SNTG1: variants seen among roughly 807,000 people sequenced by gnomAD.
SNTG1 encodes the protein syntrophin gamma 1, also known as gamma-1-syntrophin.
Under a neutral mutation model 74.7 loss-of-function variants are expected in SNTG1, and 39 were observed. The ratio of observed to expected loss-of-function variants is 0.52; its 90% CI spans 0.40 to 0.68. The LOEUF is 0.68. Ranked by LOEUF, SNTG1 falls within the 30% of genes least tolerant of loss-of-function variation. The pLI, the probability that SNTG1 is intolerant of heterozygous loss-of-function variation, is 0.00. For synonymous variants in SNTG1, 254 were observed against 217.1 expected (o/e 1.17, Z -1.49); for missense variants, 685 against 609.5 (o/e 1.12, Z -1.30).
At chr8:50,444,023 A>C in intron 5 of SNTG1, among the ~76,000 whole-genome samples, 1 of 152,070 alleles carries the variant, frequency 6.6e-6, no homozygotes, top group Middle Eastern at 3.2e-3. Flanking sequence ...CTGTAGTCTC[A>C]GCTACTTGGG....
At chr8:50,565,243 T>A (rs2094509776) in intron 12 of SNTG1, among the ~76,000 whole-genome samples, 1 of 151,958 alleles carries the variant, frequency 6.6e-6, no homozygotes, top group African/African-American at 2.4e-5. Flanking sequence ...TGAATAAATG[T>A]GCATCAGTCC....
chr8:50,457,552 A>G (rs1333656683), intron 8 of SNTG1, among the ~76,000 whole-genome samples: 3 of 152,232 alleles, frequency 2.0e-5, no homozygotes, highest in Non-Finnish European at 4.4e-5. Flanking sequence ...TTATATGACA[A>G]TGAATAACTC....
chr8:50,447,045 C>A (rs2093414224), intron 5 of SNTG1, among the ~76,000 whole-genome samples: 1 of 152,074 alleles, frequency 6.6e-6, no homozygotes, highest in Non-Finnish European at 1.5e-5. Flanking sequence ...CTTTCTCTCA[C>A]AAAATGTTGT....
chr8:50,385,754 A>T (rs979502101), intron 2 of SNTG1, among the ~76,000 whole-genome samples: 1 of 152,192 alleles, frequency 6.6e-6, no homozygotes, highest in African/African-American at 2.4e-5. Flanking sequence ...GGGATTTGGC[A>T]GGTCAATAGC....
chr8:50,300,236 G>A (rs2089588683), intron 2 of SNTG1, among the ~76,000 whole-genome samples: 1 of 152,062 alleles, frequency 6.6e-6, no homozygotes, highest in South Asian at 2.1e-4. Flanking sequence ...TAGTATGCAA[G>A]CACCAGTTTG....
At chr8:50,008,005 G>A (rs748983072) in intron 1 of SNTG1, among the ~76,000 whole-genome samples, 9 of 151,872 alleles carry the variant, frequency 5.9e-5, no homozygotes, top group South Asian at 4.2e-4. Flanking sequence ...TCATGAGAGC[G>A]GCATGGGGGA....
chr8:50,574,776 T>A (rs1180555602), intron 12 of SNTG1, among the ~76,000 whole-genome samples: 1 of 151,806 alleles, frequency 6.6e-6, no homozygotes, highest in Non-Finnish European at 1.5e-5. Flanking sequence ...ATTAATCCAA[T>A]GAAAGCCTAT....
chr8:50,391,240 G>T (rs775134833), intron 2 of SNTG1, among the ~76,000 whole-genome samples: 189 of 152,108 alleles, frequency 1.2e-3, no homozygotes, highest in Non-Finnish European at 2.1e-3. Context: ...TTTGAGATAT[G>T]TCCCATCGAT....
rs180953442 is a variant in SNTG1 at position 50,451,544 on chromosome 8, G to A, written c.363+815G>A. ...AGAACCTTAACCTCAAGGCAGACAG[G>A]TTTAGCAATAGACAGAGTAGTCATC... On this transcript the variant is annotated intron_variant, in intron 8 of 18. Transcript: ENST00000642720. 4.5e-3 allele frequency among the ~76,000 whole-genome samples: 678 copies of A among 152,194 alleles called. 7 individuals carry two copies. Among genetic ancestry groups the A allele is most frequent in the South Asian group, 0.033 (161 of 4,822 alleles).
At chr8:50,518,603 A>G (rs1015152752) in intron 9 of SNTG1, among the ~76,000 whole-genome samples, 10 of 151,752 alleles carry the variant, frequency 6.6e-5, no homozygotes, top group Admixed American at 6.5e-5. Flanking sequence ...TAGACACAGT[A>G]AAATATGATA....
At chr8:50,334,592 T>C (rs2091078347) in intron 2 of SNTG1, among the ~76,000 whole-genome samples, 1 of 151,652 alleles carries the variant, frequency 6.6e-6, no homozygotes, top group Non-Finnish European at 1.5e-5. Flanking sequence ...TCTGTAGCAA[T>C]TGAAGACTAA....
intron 8 of SNTG1, among the ~76,000 whole-genome samples, chr8:50,485,581 G>A (rs1007381611): frequency 4.7e-4 from 71 of 150,366 alleles, no homozygotes; most frequent in African/African-American, 1.5e-3. Flanking sequence ...CCCTTTGTCA[G>A]ATGAGTAGGT....
intron 12 of SNTG1, among the ~76,000 whole-genome samples, chr8:50,584,912 C>T (rs762740855): frequency 1.3e-5 from 2 of 151,986 alleles, no homozygotes; most frequent in Non-Finnish European, 2.9e-5. Flanking sequence ...TGGGTCCATG[C>T]GTTGTTTGTT....
intron 2 of SNTG1, among the ~76,000 whole-genome samples, chr8:50,310,486 C>T (rs1040948889): frequency 6.6e-6 from 1 of 152,070 alleles, no homozygotes; most frequent in Non-Finnish European, 1.5e-5. Context: ...GTCAGAAGTT[C>T]AAGACCAGTC....
At chr8:50,314,052 A>G (rs1270032526) in intron 2 of SNTG1, among the ~76,000 whole-genome samples, 2 of 149,586 alleles carry the variant, frequency 1.3e-5, no homozygotes, top group Non-Finnish European at 2.9e-5. Flanking sequence ...TAGTTTCTCC[A>G]TTTAAAACAC....
At chr8:50,100,407 C>T (rs1184933370) in intron 1 of SNTG1, among the ~76,000 whole-genome samples, 2 of 151,952 alleles carry the variant, frequency 1.3e-5, no homozygotes, top group Non-Finnish European at 2.9e-5. Flanking sequence ...TACTTTCAAA[C>T]TGCTAAAGGA....
chr8:50,654,249 C>A lies in SNTG1; in HGVS notation c.850-2660C>A, dbSNP rs183875580. On this transcript the variant is annotated intron_variant, in intron 13 of 18. Transcript: ENST00000642720. ...ATTTCTCAGTGTAACACCTTTTTCT[C>A]TTATTCTCATATATGTTTTTTCCAA... Among the ~76,000 whole-genome samples, 462 of 152,170 alleles carry A rather than the reference C, an allele frequency of 3.0e-3. 3 individuals are homozygous for A. Among genetic ancestry groups the A allele is most frequent in the African/African-American group, 0.011 (446 of 41,534 alleles).
chr8:50,672,949 T>A (rs1212440117), intron 15 of SNTG1, among the ~76,000 whole-genome samples: 1 of 152,212 alleles, frequency 6.6e-6, no homozygotes, highest in Non-Finnish European at 1.5e-5. Flanking sequence ...AGGGAATCCT[T>A]TTCCCATGCT....
At chr8:50,397,193 C>T (rs1005997577) in intron 3 of SNTG1, among the ~76,000 whole-genome samples, 1 of 152,128 alleles carries the variant, frequency 6.6e-6, no homozygotes, top group Non-Finnish European at 1.5e-5. Context: ...TACATTCATA[C>T]AGTATCTATA....
Sources: gnomAD v4.1 joint callset for allele counts (sites outside exome capture counted in the v4.1 genomes callset) on GRCh38, gnomAD v4.1.1 for gene constraint, MANE v1.5 for transcripts, NCBI Gene and HGNC (gene_info 2026-07-23, HGNC 2026-07-21) for gene names.